Variants in SLC25A13 observed in about 807,000 individuals in gnomAD.
The protein encoded by SLC25A13 is solute carrier family 25 member 13, also known as electrogenic aspartate/glutamate antiporter SLC25A13, mitochondrial.
SLC25A13 carries 70 observed loss-of-function variants against 85.5 expected under a neutral mutation model. That is an observed-to-expected ratio of 0.82 (90% CI 0.68 to 1.00). The LOEUF (loss-of-function observed/expected upper bound fraction) is 1.00. Among genes scored for constraint, SLC25A13 ranks in the 50% least tolerant of loss-of-function variants. SLC25A13 has a pLI of 0.00. For missense variants in SLC25A13, 765 were observed against 819.8 expected, an observed-to-expected ratio of 0.93 and a Z score of 0.82; for synonymous variants, 259 against 288.7, an observed-to-expected ratio of 0.90 and a Z score of 1.04.
rs187180469 is a variant in SLC25A13 at position 96,209,323 on chromosome 7, A to G, written c.329-346T>C. Among the ~76,000 whole-genome samples the G allele has an allele frequency of 1.6e-4, 24 of 148,140 alleles. No homozygotes were observed. In the East Asian group the frequency reaches 4.8e-3, roughly 30 times the overall value. ...TGATTATTTTCTAGGTACAGAGGAC[A>G]GAATTCAATCTTAGTGGCAGGAAAA... On this transcript the variant is annotated intron_variant, in intron 4 of 17. Transcript: ENST00000265631.
At chr7:96,163,093 T>A (rs1472415221) in intron 13 of SLC25A13, among the ~76,000 whole-genome samples, 1 of 152,128 alleles carries the variant, frequency 6.6e-6, no homozygotes, top group Non-Finnish European at 1.5e-5. Context: ...AGTTAAAACA[T>A]CCTTTGCTAT....
intron 3 of SLC25A13, among the ~76,000 whole-genome samples, chr7:96,257,258 A>C (rs987417848): frequency 6.6e-6 from 1 of 152,230 alleles, no homozygotes; most frequent in Non-Finnish European, 1.5e-5. Flanking sequence ...CCTTCAAAAA[A>C]AATCAATGAA....
chr7:96,255,083 T>C (rs1195371030), intron 3 of SLC25A13, among the ~76,000 whole-genome samples: 2 of 152,220 alleles, frequency 1.3e-5, no homozygotes, highest in East Asian at 3.8e-4. Context: ...TTCTTTCCAA[T>C]AACTTTAGAA....
At chr7:96,246,189 A>C (rs968986918) in intron 3 of SLC25A13, among the ~76,000 whole-genome samples, 2 of 152,230 alleles carry the variant, frequency 1.3e-5, no homozygotes, top group East Asian at 3.9e-4. Context: ...CAGTTTGATC[A>C]TTCCCTTGAT....
At chr7:96,174,385 T>C (rs1794134039) in intron 11 of SLC25A13, among the ~76,000 whole-genome samples, 1 of 152,218 alleles carries the variant, frequency 6.6e-6, no homozygotes, top group Non-Finnish European at 1.5e-5. Context: ...TCTCCTAAAC[T>C]ATACTCATGA....
At chr7:96,288,234 C>G (rs1300492363) in intron 2 of SLC25A13, among the ~76,000 whole-genome samples, 2 of 152,188 alleles carry the variant, frequency 1.3e-5, no homozygotes, top group African/African-American at 4.8e-5. Context: ...AGTTCAAGAC[C>G]AGTCTGGCCA....
At chr7:96,197,494 T>C (rs571771161) in intron 5 of SLC25A13, among the ~76,000 whole-genome samples, 1 of 152,266 alleles carries the variant, frequency 6.6e-6, no homozygotes, top group African/African-American at 2.4e-5. Flanking sequence ...CAGTGGGAGC[T>C]AACACATAGG....
At chr7:96,194,200 T>C (rs773762967) in intron 5 of SLC25A13, among the ~76,000 whole-genome samples, 4 of 149,420 alleles carry the variant, frequency 2.7e-5, no homozygotes, top group Non-Finnish European at 4.4e-5. Context: ...TTGAGGAGGC[T>C]GAGGTGGATG....
chr7:96,122,020 T>G, intron 15 of SLC25A13, 23 bp from the exon 16 acceptor site: 10 of 1,613,926 alleles, frequency 6.2e-6, no homozygotes, highest in African/African-American at 1.3e-5. Flanking sequence ...CACAACACCA[T>G]CTCAGTCTGG....
rs143377101 is a variant in SLC25A13 at position 96,154,636 on chromosome 7, C to T, written c.1312-7940G>A. ...GGTAGATAAAATGTGCTACTTTGCACACAGTCAATGGTAGAGTGGACTCCT... is the reference window on the plus strand; with the variant it reads ...GGTAGATAAAATGTGCTACTTTGCATACAGTCAATGGTAGAGTGGACTCCT... On this transcript the variant is annotated intron_variant, in intron 13 of 17. Coordinates refer to ENST00000265631, the MANE Select transcript of SLC25A13 (RefSeq NM_014251.3). 1.5e-3 allele frequency among the ~76,000 whole-genome samples: 228 copies of T among 152,160 alleles called. 1 individual carries two copies. The highest frequency in any genetic ancestry group is 5.3e-3 in the African/African-American group (219 of 41,530).
At chr7:96,312,172 T>G (rs1247558784) in intron 1 of SLC25A13, among the ~76,000 whole-genome samples, 1 of 152,230 alleles carries the variant, frequency 6.6e-6, no homozygotes, top group African/African-American at 2.4e-5. Context: ...CCAGGCTGCC[T>G]GTGTTGAAAT....
chr7:96,195,857 C>T (rs1795039688), intron 5 of SLC25A13, among the ~76,000 whole-genome samples: 1 of 152,182 alleles, frequency 6.6e-6, no homozygotes, highest in South Asian at 2.1e-4. Flanking sequence ...AACTGATGTC[C>T]CTTCCGGTGG....
chr7:96,213,660 C>T (rs1330221095), intron 4 of SLC25A13, among the ~76,000 whole-genome samples: 2 of 152,172 alleles, frequency 1.3e-5, no homozygotes, highest in African/African-American at 4.8e-5. Context: ...TTCAGAATAA[C>T]TCGTAACTCA....
intron 3 of SLC25A13, among the ~76,000 whole-genome samples, chr7:96,244,653 C>A (rs1049263058): frequency 2.8e-4 from 42 of 152,260 alleles, no homozygotes; most frequent in African/African-American, 9.4e-4. Flanking sequence ...CCATTCTGTG[C>A]CCACCCTGGC....
chr7:96,140,638 C>T (rs957959892), intron 14 of SLC25A13, among the ~76,000 whole-genome samples: 5 of 152,010 alleles, frequency 3.3e-5, no homozygotes, highest in African/African-American at 4.8e-5. Context: ...CTCCTGACCT[C>T]GTGATCTGCC....
At chr7:96,265,988 T>G (rs1157400794) in intron 3 of SLC25A13, among the ~76,000 whole-genome samples, 2 of 152,162 alleles carry the variant, frequency 1.3e-5, no homozygotes. Flanking sequence ...AGAGCCCTCA[T>G]GACCTAATCA....
intron 4 of SLC25A13, among the ~76,000 whole-genome samples, chr7:96,210,975 C>G (rs1795670644): frequency 3.3e-5 from 5 of 152,114 alleles, no homozygotes; most frequent in Admixed American, 2.0e-4. Flanking sequence ...CTTGATCTCT[C>G]CTTCAATCTC....
chr7:96,306,753 C>A, intron 1 of SLC25A13: 1 of 1,147,072 alleles, frequency 8.7e-7, no homozygotes, highest in Admixed American at 1.8e-5. Context: ...CATCCCTCTG[C>A]ATTTTGTTCT....
intron 3 of SLC25A13, among the ~76,000 whole-genome samples, chr7:96,239,998 A>AT (rs749638856): frequency 1.6e-4 from 25 of 152,314 alleles, no homozygotes; most frequent in East Asian, 1.5e-3. Context: ...AATATTAATC[A>AT]TTTATCACAT....
Sources: gnomAD v4.1 joint callset for allele counts (sites outside exome capture counted in the v4.1 genomes callset) on GRCh38, gnomAD v4.1.1 for gene constraint, MANE v1.5 for transcripts, NCBI Gene and HGNC (gene_info 2026-07-23, HGNC 2026-07-21) for gene names.